Variants in SEMA4G observed in about 807,000 individuals in gnomAD.
The protein encoded by SEMA4G is semaphorin-4G.
SEMA4G carries 59 observed loss-of-function variants against 81.2 expected under a neutral mutation model. That is an observed-to-expected ratio of 0.73 (90% CI 0.59 to 0.90). The LOEUF (loss-of-function observed/expected upper bound fraction) is 0.90, where lower values mean the gene tolerates loss of function less well. Among genes scored for constraint, SEMA4G ranks in the 40% least tolerant of loss-of-function variants. The pLI is 0.00. For synonymous variants in SEMA4G, 404 were observed against 433.9 expected, an observed-to-expected ratio of 0.93 and a Z score of 0.86; for missense variants, 952 against 1,102.3, an observed-to-expected ratio of 0.86 and a Z score of 1.93.
At chr10:100,981,413 T>C (rs762806204) in intron 13 of SEMA4G, 184 bp downstream of exon 14, 8 of 1,613,762 alleles carry the variant, frequency 5.0e-6, no homozygotes, top group Non-Finnish European at 5.1e-6. Context: ...AAATGAATTA[T>C]AAACTAGGAA....
chr10:100,971,082 G>T (rs1564791167), upstream of SEMA4G, among the ~76,000 whole-genome samples: 1 of 151,712 alleles, frequency 6.6e-6, no homozygotes, highest in Non-Finnish European at 1.5e-5. Flanking sequence ...AATGACCCCT[G>T]TGAATCCACG....
exon 14 of SEMA4G, chr10:100,984,607 C>G: frequency 6.5e-7 from 1 of 1,536,248 alleles, no homozygotes; most frequent in Non-Finnish European, 8.7e-7. Flanking sequence ...TGCGTACATT[C>G]ACATGCACAC....
In SEMA4G at chr10:100,979,134, G is replaced by A. The variant is rs149549143; in HGVS notation, c.846G>A (p.Lys282=). The change falls in exon 8 of 14, where the codon AAG becomes AAA. Residue 282 remains lysine (K), a synonymous_variant. Coordinates refer to ENST00000370250, the Ensembl canonical transcript of SEMA4G. ...TGGGAGGGAAGAAGATCCTGCAGAAGAAGTGGACTTCCTTCCTGAAAGCCC... is the reference window on the plus strand; with the variant it reads ...TGGGAGGGAAGAAGATCCTGCAGAAAAAGTGGACTTCCTTCCTGAAAGCCC... 947 of 1,614,190 alleles carry A rather than the reference G, an allele frequency of 5.9e-4. 1 individual carries two copies. Among genetic ancestry groups the A allele is most frequent in the Middle Eastern group, 1.2e-3 (7 of 6,062 alleles).
chr10:100,985,214 G>A (rs1259577119), downstream of SEMA4G: 2 of 284,408 alleles, frequency 7.0e-6, no homozygotes, highest in African/African-American at 2.2e-5. Context: ...GGCACATGAA[G>A]CCCATTCTTG....
chr10:100,971,408 G>A (rs573068786), upstream of SEMA4G, among the ~76,000 whole-genome samples: 9 of 152,236 alleles, frequency 5.9e-5, no homozygotes, highest in Non-Finnish European at 1.3e-4. Flanking sequence ...CCCTTTCAGG[G>A]TCAGGGAATC....
intron 4 of SEMA4G, 69 bp downstream of exon 5, chr10:100,977,799 AAAG>A: frequency 2.3e-6 from 3 of 1,326,844 alleles, no homozygotes; most frequent in South Asian, 2.3e-5. Flanking sequence ...TCAAGATGCC[AAAG>A]AAGAGACTCA....
chr10:100,981,764 G>C (rs185545203), intron 13 of SEMA4G, among the ~76,000 whole-genome samples: 2 of 152,166 alleles, frequency 1.3e-5, no homozygotes, highest in Non-Finnish European at 2.9e-5. Flanking sequence ...AACTGGACCA[G>C]AATTCAAACC....
At chr10:100,972,626 C>G (rs1850665375) in exon 1 of SEMA4G, 1 of 381,598 alleles carries the variant, frequency 2.6e-6, no homozygotes, top group African/African-American at 2.1e-5. Flanking sequence ...AACTCCCTCT[C>G]ACCATGGAGT....
chr10:100,971,659 C>T (rs1850635753), upstream of SEMA4G, among the ~76,000 whole-genome samples: 1 of 152,134 alleles, frequency 6.6e-6, no homozygotes, highest in South Asian at 2.1e-4. Context: ...CCTCACCCAG[C>T]CCAGGAACTC....
chr10:100,985,031 C>T (rs947649741), downstream of SEMA4G: 54 of 985,128 alleles, frequency 5.5e-5, no homozygotes, highest in African/African-American at 1.6e-4. Flanking sequence ...GGGTTTAGTC[C>T]GTGGACATTT....
Position 100,973,619 on chromosome 10 carries a change from C to T in SEMA4G, c.336+10C>T, listed in dbSNP as rs770163906. The T allele has an allele frequency of 4.3e-6, 7 of 1,613,554 alleles. No homozygotes were observed. Among genetic ancestry groups the T allele is most frequent in the Non-Finnish European group, 5.9e-6 (7 of 1,179,548 alleles). ...AGGGAAAAACAACCAGGTATGTGGT[C>T]TGCCCTGTCCCCAGCTCCTTTCCTC... On this transcript the variant is annotated intron_variant, in intron 3 of 13. Transcript: ENST00000370250. This position sits in a 1 kb window ranked among gnomAD's most constrained non-coding sequence, Gnocchi z 5.5.
chr10:100,984,679 C>G (rs1351283007), exon 14 of SEMA4G: 21 of 1,536,270 alleles, frequency 1.4e-5, no homozygotes, highest in Non-Finnish European at 1.7e-5. Flanking sequence ...CTGGTGCATT[C>G]TTGTTTCATC....
chr10:100,984,941 C>A, downstream of SEMA4G: 1 of 1,284,840 alleles, frequency 7.8e-7, no homozygotes, highest in Non-Finnish European at 1.0e-6. Flanking sequence ...TGTGGTAACA[C>A]ACACCTGTAT....
chr10:100,975,689 C>G (rs1421320738), intron 3 of SEMA4G, among the ~76,000 whole-genome samples: 1 of 152,130 alleles, frequency 6.6e-6, no homozygotes, highest in East Asian at 1.9e-4. Context: ...AACCCTGTGT[C>G]TACTAAAAAT....
At position 100,978,843 on chromosome 10, in the gene SEMA4G, C is replaced by T; in HGVS notation, c.644-6C>T. The T allele has an allele frequency of 6.2e-7, 1 of 1,612,794 alleles. No individual in the cohort carries two copies. ...TCAAAAGCCTCTCAAACTGCCTGAC[C>T]CACAGATGCGGAGTTTGTGTTCTCC... On this transcript the variant is annotated splice_polypyrimidine_tract_variant and splice_region_variant and intron_variant, in intron 6 of 13. Coordinates refer to ENST00000370250, the Ensembl canonical transcript of SEMA4G.
chr10:100,970,730 C>T (rs1296105053), upstream of SEMA4G, among the ~76,000 whole-genome samples: 1 of 152,234 alleles, frequency 6.6e-6, no homozygotes, highest in Non-Finnish European at 1.5e-5. Flanking sequence ...GTGTGCTTGT[C>T]TCTGCATGGA....
chr10:100,974,022 T>C (rs12253241), intron 3 of SEMA4G, among the ~76,000 whole-genome samples: 40,207 of 151,146 alleles, frequency 0.27, 6,026 homozygotes, highest in East Asian at 0.54. Context: ...GCAGTCCCCC[T>C]ACCTTAGCCT....
chr10:100,980,867 C>T, exon 12 of SEMA4G: 1 of 1,608,132 alleles, frequency 6.2e-7, no homozygotes, highest in South Asian at 1.1e-5. Context: ...CCAGCTACCA[C>T]TCTCCAGCTG....
At chr10:100,985,072 C>T, downstream of SEMA4G, 5 of 638,124 alleles carry the variant, frequency 7.8e-6, no homozygotes, top group Non-Finnish European at 5.1e-6. Context: ...ATTTAACTGT[C>T]CTCACAGGCC....
Sources: gnomAD v4.1 joint callset for allele counts (sites outside exome capture counted in the v4.1 genomes callset) on GRCh38, gnomAD v4.1.1 for gene constraint, Gnocchi (gnomAD v3.1) non-coding constraint, MANE v1.5 for transcripts, NCBI Gene and HGNC (gene_info 2026-07-23, HGNC 2026-07-21) for gene names.